LARS2: variants seen among roughly 807,000 people sequenced by gnomAD.
LARS2 encodes the protein leucine--tRNA ligase, mitochondrial.
In LARS2, 81 loss-of-function variants were observed where a neutral mutation model predicts 116.6. That is an observed-to-expected ratio of 0.69 (90% CI 0.58 to 0.84). The LOEUF is 0.84. LARS2 is among the 40% of genes least tolerant of loss of function. LARS2 has a pLI of 0.00. For synonymous variants in LARS2, 396 were observed against 407.2 expected (o/e 0.97, Z 0.33); for missense variants, 968 against 1,114.5 (o/e 0.87, Z 1.87).
intron 15 of LARS2, among the ~76,000 whole-genome samples, chr3:45,505,822 A>G (rs1700193426): frequency 6.6e-6 from 1 of 152,124 alleles, no homozygotes; most frequent in South Asian, 2.1e-4. Context: ...GAAGTATTCA[A>G]TCAGTAAATT....
chr3:45,397,658 A>G (rs1191860679), intron 3 of LARS2, among the ~76,000 whole-genome samples: 1 of 152,232 alleles, frequency 6.6e-6, no homozygotes, highest in Non-Finnish European at 1.5e-5. Context: ...GAAACAGCTT[A>G]GATCAAGGAT....
chr3:45,456,171 T>G (rs1699210228), intron 7 of LARS2, among the ~76,000 whole-genome samples: 1 of 152,138 alleles, frequency 6.6e-6, no homozygotes, highest in Admixed American at 6.6e-5. Flanking sequence ...AAATGTTAAG[T>G]AAGTGAGGTG....
At chr3:45,493,539 A>G (rs1013084382) in intron 13 of LARS2, among the ~76,000 whole-genome samples, 2 of 152,194 alleles carry the variant, frequency 1.3e-5, no homozygotes, top group Admixed American at 6.5e-5. Context: ...GACCTTGGAC[A>G]AGGTTCTTAA....
chr3:45,409,247 G>A (rs889278129), intron 4 of LARS2, among the ~76,000 whole-genome samples: 1 of 151,954 alleles, frequency 6.6e-6, no homozygotes, highest in Non-Finnish European at 1.5e-5. Flanking sequence ...CATGTGAGCT[G>A]TAAGTTCATT....
At chr3:45,479,098 C>A (rs1213082156) in intron 10 of LARS2, among the ~76,000 whole-genome samples, 1 of 152,074 alleles carries the variant, frequency 6.6e-6, no homozygotes, top group Non-Finnish European at 1.5e-5. Flanking sequence ...GCAGGAGTTT[C>A]AATTCTCAAA....
chr3:45,416,607 A>G (rs1257504286), intron 4 of LARS2, among the ~76,000 whole-genome samples: 2 of 152,204 alleles, frequency 1.3e-5, no homozygotes, highest in Admixed American at 6.5e-5. Context: ...TGAATATCCA[A>G]TATCTGCACT....
intron 20 of LARS2, among the ~76,000 whole-genome samples, chr3:45,524,620 A>G (rs1189376608): frequency 6.6e-6 from 1 of 152,214 alleles, no homozygotes; most frequent in African/African-American, 2.4e-5. Context: ...AGGACTTCAC[A>G]TAATCATCGA....
intron 7 of LARS2, among the ~76,000 whole-genome samples, chr3:45,451,441 A>G (rs765671847): frequency 2.0e-5 from 3 of 152,126 alleles, no homozygotes; most frequent in African/African-American, 7.2e-5. Flanking sequence ...TTTTCCCAGC[A>G]ACATTTATTA....
At chr3:45,392,711 G>C (rs1391222357) in intron 2 of LARS2, among the ~76,000 whole-genome samples, 2 of 152,056 alleles carry the variant, frequency 1.3e-5, no homozygotes, top group African/African-American at 4.8e-5. Context: ...CTTGTAAGAT[G>C]CCCACATTAT....
rs760221591 is a variant in LARS2 at position 45,400,301 on chromosome 3, G to T, written c.291G>T (p.Leu97=). The change falls in exon 4 of 22, where the codon CTG becomes CTT. Residue 97 remains leucine (L), a synonymous_variant. Transcript: ENST00000645846. The stretch of plus-strand genomic sequence containing the variant: ...TGTTCCCTTATCCTTCTGGTAAGCT[G>T]CACATGGGCCATGTGCGTGTCTACA... ...LSMFPYPSGK[L]HMGHVRVYTI... 3 of 1,613,834 alleles carry T rather than the reference G, an allele frequency of 1.9e-6. No individual in the cohort carries two copies. The highest frequency in any genetic ancestry group is 1.3e-5 in the African/African-American group (1 of 74,904).
At chr3:45,506,512 T>C (rs537744155) in intron 15 of LARS2, among the ~76,000 whole-genome samples, 1 of 152,250 alleles carries the variant, frequency 6.6e-6, no homozygotes. Context: ...GATTTCCTAG[T>C]CTAGTTCTGT....
chr3:45,538,380 C>T (rs1233231705), intron 20 of LARS2: 2 of 152,230 alleles, frequency 1.3e-5, no homozygotes, highest in Admixed American at 6.5e-5. Flanking sequence ...TTTTGGAAAT[C>T]TTCCCGCTGC....
chr3:45,392,979 T>C (rs1257302848), intron 2 of LARS2, among the ~76,000 whole-genome samples: 1 of 152,232 alleles, frequency 6.6e-6, no homozygotes, highest in Non-Finnish European at 1.5e-5. Context: ...TTAGGCTATT[T>C]AGTCTAGTAT....
chr3:45,500,254 G>A (rs576081971), intron 14 of LARS2, among the ~76,000 whole-genome samples, 188 bp from the exon 15 acceptor site: 12 of 152,232 alleles, frequency 7.9e-5, no homozygotes, highest in African/African-American at 1.4e-4. Context: ...CACCTGCCTC[G>A]GCCTCCCAAA....
At chr3:45,455,124 C>CTTTTTTTTTTTT (rs370123180) in intron 7 of LARS2, among the ~76,000 whole-genome samples, 2 of 129,054 alleles carry the variant, frequency 1.5e-5, no homozygotes. Context: ...TTGTGTTTTG[C>CTTTTTTTTTTTT]TTTTTTTTTT....
intron 6 of LARS2, among the ~76,000 whole-genome samples, chr3:45,426,538 T>C (rs1221416307): frequency 1.3e-5 from 2 of 152,202 alleles, no homozygotes; most frequent in African/African-American, 4.8e-5. Context: ...TTAGCTGAAA[T>C]GATTTGGCAG....
At chr3:45,470,765 G>C (rs1699508287) in intron 8 of LARS2, among the ~76,000 whole-genome samples, 2 of 152,080 alleles carry the variant, frequency 1.3e-5, no homozygotes, top group South Asian at 4.1e-4. Flanking sequence ...AAAGCCTTGG[G>C]AGTCGATAGG....
chr3:45,462,426 A>C (rs1195958752), intron 8 of LARS2, among the ~76,000 whole-genome samples: 2 of 151,126 alleles, frequency 1.3e-5, no homozygotes, highest in Non-Finnish European at 3.0e-5. Flanking sequence ...TACCAAAAAA[A>C]AAAAAAGAAA....
At chr3:45,529,587 C>T (rs372998507) in intron 20 of LARS2, among the ~76,000 whole-genome samples, 3 of 151,378 alleles carry the variant, frequency 2.0e-5, no homozygotes, top group African/African-American at 7.3e-5. Context: ...CTAATGTTTA[C>T]GTGCAAAATT....
Sources: gnomAD v4.1 joint callset for allele counts (sites outside exome capture counted in the v4.1 genomes callset) on GRCh38, gnomAD v4.1.1 for gene constraint, MANE v1.5 for transcripts, NCBI Gene and HGNC (gene_info 2026-07-23, HGNC 2026-07-21) for gene names.